HHAT: variants seen among roughly 807,000 people sequenced by gnomAD.
HHAT encodes the protein protein-cysteine N-palmitoyltransferase HHAT.
In HHAT, 47 loss-of-function variants were observed where a neutral mutation model predicts 70.8. The ratio of observed to expected loss-of-function variants is 0.66; its 90% CI spans 0.53 to 0.85. The LOEUF (loss-of-function observed/expected upper bound fraction) is 0.85. Among genes scored for constraint, HHAT ranks in the 40% least tolerant of loss-of-function variants. The pLI is 0.00. For synonymous variants in HHAT, 228 were observed against 247.6 expected (o/e 0.92, Z 0.74); for missense variants, 609 against 604.8 (o/e 1.01, Z -0.07).
At chr1:210,489,269 G>A (rs1033590810) in intron 8 of HHAT, among the ~76,000 whole-genome samples, 1 of 152,174 alleles carries the variant, frequency 6.6e-6, no homozygotes, top group Admixed American at 6.5e-5. Flanking sequence ...AGCTAGTAGC[G>A]GGCGGGGATC....
chr1:210,419,945 A>G (rs1006747514), intron 7 of HHAT, among the ~76,000 whole-genome samples: 3 of 152,232 alleles, frequency 2.0e-5, no homozygotes, highest in Non-Finnish European at 4.4e-5. Context: ...GGCTTAAACA[A>G]TAAGGAAGTT....
chr1:210,460,150 C>T (rs879672034), intron 7 of HHAT, among the ~76,000 whole-genome samples: 2 of 152,120 alleles, frequency 1.3e-5, no homozygotes, highest in African/African-American at 4.8e-5. Flanking sequence ...AGGTGCCAGG[C>T]CAATGGCAGA....
intron 9 of HHAT, among the ~76,000 whole-genome samples, chr1:210,549,126 A>AGATAAAAC (rs1193232311): frequency 2.3e-5 from 3 of 131,878 alleles, no homozygotes; most frequent in Admixed American, 1.8e-4. Context: ...AATTGGGATA[A>AGATAAAAC]TAACGGCATT....
chr1:210,341,163 G>A (rs2086008826), intron 1 of HHAT, among the ~76,000 whole-genome samples: 1 of 152,198 alleles, frequency 6.6e-6, no homozygotes, highest in South Asian at 2.1e-4. Flanking sequence ...TAAGCAGTGA[G>A]TCAGTAGAAG....
chr1:210,599,617 A>G (rs971247581), intron 10 of HHAT, among the ~76,000 whole-genome samples: 1 of 152,020 alleles, frequency 6.6e-6, no homozygotes, highest in African/African-American at 2.4e-5. Context: ...TCCTAAGTAG[A>G]TCTCGAATTT....
chr1:210,586,218 G>A (rs1479228274), intron 9 of HHAT, among the ~76,000 whole-genome samples: 1 of 152,136 alleles, frequency 6.6e-6, no homozygotes, highest in Non-Finnish European at 1.5e-5. Flanking sequence ...TGAGACAGGA[G>A]GTTCACTTGA....
At position 210,662,716 on chromosome 1, in the gene HHAT, G is replaced by C. The variant is rs1678017570; in HGVS notation, c.1391-11572G>C. On this transcript the variant is annotated intron_variant, in intron 11 of 11. Transcript: ENST00000261458. ...TGTGCTGTCAGAATAAGAAAAAGTG[G>C]CTCTGGCTAGTTCTCCTCCCCACTC... 3.3e-5 allele frequency among the ~76,000 whole-genome samples: 5 copies of C among 152,036 alleles called. No individual in the cohort carries two copies. In the South Asian group the frequency reaches 1.0e-3, roughly 32 times the overall value.
At chr1:210,434,853 A>G (rs2093338593) in intron 7 of HHAT, among the ~76,000 whole-genome samples, 1 of 151,946 alleles carries the variant, frequency 6.6e-6, no homozygotes, top group African/African-American at 2.4e-5. Flanking sequence ...TTTCATTAAG[A>G]AAACTTTTTA....
rs140406480 is a variant in HHAT at position 210,389,368 on chromosome 1, T to C, written c.273+1787T>C. ...ATGATAGCTCAGGTCTCTTTTCCTC[T>C]TCTTATAAAGCCACCAGTCCCACTC... On this transcript the variant is annotated intron_variant, in intron 4 of 11. Transcript: ENST00000261458. Among the ~76,000 whole-genome samples the C allele has an allele frequency of 3.4e-3, 524 of 152,304 alleles. 7 individuals are homozygous for C. Among genetic ancestry groups the C allele is most frequent in the African/African-American group, 0.012 (501 of 41,574 alleles).
intron 9 of HHAT, among the ~76,000 whole-genome samples, chr1:210,517,958 C>T (rs1337900865): frequency 6.6e-6 from 1 of 152,004 alleles, no homozygotes; most frequent in African/African-American, 2.4e-5. Flanking sequence ...AACATCATGA[C>T]TTTAAAAAAA....
At chr1:210,556,370 ACTGCGTCC>A (rs2095572697) in intron 9 of HHAT, among the ~76,000 whole-genome samples, 1 of 152,118 alleles carries the variant, frequency 6.6e-6, no homozygotes, top group Admixed American at 6.5e-5. Flanking sequence ...TCTGTTTATC[ACTGCGTCC>A]TCTAGCTGTG....
In HHAT at chr1:210,409,458, C is replaced by T. The variant is rs1232175751; in HGVS notation, c.684+4779C>T. Among the ~76,000 whole-genome samples the T allele has an allele frequency of 3.3e-5, 5 of 152,250 alleles. No individual in the cohort carries two copies. The East Asian group carries it at 7.7e-4, about 24-fold the overall frequency. On this transcript the variant is annotated intron_variant, in intron 6 of 11. Transcript: ENST00000261458. ...TTCTGGGAGAGCTCACTGGATGTTG[C>T]TGGCCTTGGTCTGGATGGCTAGCGG...
At chr1:210,668,519 C>T (rs1679405906) in intron 11 of HHAT, among the ~76,000 whole-genome samples, 2 of 152,192 alleles carry the variant, frequency 1.3e-5, no homozygotes, top group African/African-American at 4.8e-5. Flanking sequence ...CTCTTGCCTG[C>T]CACCATGTAA....
intron 7 of HHAT, among the ~76,000 whole-genome samples, chr1:210,459,875 T>C (rs1367872870): frequency 2.0e-5 from 3 of 152,236 alleles, no homozygotes; most frequent in African/African-American, 7.2e-5. Flanking sequence ...CTTGGCTGGG[T>C]AGTTCTTGCT....
intron 7 of HHAT, among the ~76,000 whole-genome samples, chr1:210,447,017 T>A (rs1390813308): frequency 6.6e-6 from 1 of 152,212 alleles, no homozygotes; most frequent in Non-Finnish European, 1.5e-5. Flanking sequence ...GTTGAATATA[T>A]GAGTAGTGCA....
intron 8 of HHAT, among the ~76,000 whole-genome samples, chr1:210,481,235 G>T (rs1386419925): frequency 6.6e-6 from 1 of 152,096 alleles, no homozygotes; most frequent in Non-Finnish European, 1.5e-5. Context: ...GGAAATACAG[G>T]GTTAGGTTCC....
At chr1:210,382,338 C>A (rs1010893024) in intron 3 of HHAT, among the ~76,000 whole-genome samples, 1 of 152,182 alleles carries the variant, frequency 6.6e-6, no homozygotes. Context: ...GAATCTTAGA[C>A]ATTGTGCTAG....
At chr1:210,583,309 G>A (rs1410888431) in intron 9 of HHAT, among the ~76,000 whole-genome samples, 4 of 152,198 alleles carry the variant, frequency 2.6e-5, no homozygotes, top group Non-Finnish European at 5.9e-5. Context: ...CAGTGACCAC[G>A]CGAAGCCGGC....
chr1:210,545,269 G>A (rs2095473170), intron 9 of HHAT, among the ~76,000 whole-genome samples: 1 of 152,002 alleles, frequency 6.6e-6, no homozygotes, highest in South Asian at 2.1e-4. Flanking sequence ...CTCACTCTTA[G>A]CATTCAGCCT....
Sources: allele counts gnomAD v4.1 joint callset (sites outside exome capture counted in the v4.1 genomes callset), GRCh38; gene constraint gnomAD v4.1.1; transcripts MANE v1.5; gene names NCBI Gene and HGNC (gene_info 2026-07-23, HGNC 2026-07-21).